ARHGAP26: variants seen among roughly 807,000 people sequenced by gnomAD.
ARHGAP26 encodes the protein rho GTPase-activating protein 26.
Under a neutral mutation model 104.8 loss-of-function variants are expected in ARHGAP26, and 38 were observed. The observed-to-expected ratio is 0.36, with a 90% CI of 0.28 to 0.48. The LOEUF (loss-of-function observed/expected upper bound fraction) is 0.48, where lower values mean the gene tolerates loss of function less well. Among genes scored for constraint, ARHGAP26 ranks in the 20% least tolerant of loss-of-function variants. The pLI, the probability that ARHGAP26 is intolerant of heterozygous loss-of-function variation, is 0.99. For synonymous variants in ARHGAP26, 341 were observed against 340.0 expected, an observed-to-expected ratio of 1.00 and a Z score of -0.03; for missense variants, 704 against 947.9, an observed-to-expected ratio of 0.74 and a Z score of 3.38.
chr5:142,958,923 A>AAG (rs72277170), intron 11 of ARHGAP26, among the ~76,000 whole-genome samples: 2 of 48,668 alleles, frequency 4.1e-5, no homozygotes, highest in East Asian at 0.014. Context: ...AAAAAAAGAA[A>AAG]AAAAAAAAGA....
At chr5:143,032,594 A>G (rs74536582) in intron 12 of ARHGAP26, among the ~76,000 whole-genome samples, 1,674 of 152,262 alleles carry the variant, frequency 0.011, 24 homozygotes, top group African/African-American at 0.038. Flanking sequence ...TGGTGGTGAT[A>G]GTGTTCTAAA....
intron 1 of ARHGAP26, among the ~76,000 whole-genome samples, chr5:142,782,164 A>G (rs1421095013): frequency 1.3e-5 from 2 of 152,168 alleles, no homozygotes; most frequent in Non-Finnish European, 2.9e-5. Context: ...TGAACTGCAT[A>G]CAGGAGAGGA....
intron 11 of ARHGAP26, among the ~76,000 whole-genome samples, chr5:142,977,492 A>T (rs1773277618): frequency 6.6e-6 from 1 of 151,888 alleles, no homozygotes; most frequent in Non-Finnish European, 1.5e-5. Context: ...ATGGTTGTTG[A>T]CAGATTTTTG....
At chr5:143,099,931 T>C (rs1313825472) in intron 17 of ARHGAP26, among the ~76,000 whole-genome samples, 1 of 152,240 alleles carries the variant, frequency 6.6e-6, no homozygotes, top group Admixed American at 6.5e-5. Flanking sequence ...TTTTTAAATA[T>C]TGTTGAAATT....
intron 5 of ARHGAP26, among the ~76,000 whole-genome samples, chr5:142,887,308 T>C (rs776946099): frequency 1.3e-4 from 20 of 152,224 alleles, no homozygotes; most frequent in Non-Finnish European, 2.6e-4. Flanking sequence ...CTGCTGTGTA[T>C]TTACTCTGTG....
chr5:142,793,252 C>CTTTTTTTTTTTTTTT (rs56941301), intron 1 of ARHGAP26, among the ~76,000 whole-genome samples: 1 of 107,140 alleles, frequency 9.3e-6, no homozygotes. Context: ...TATCCCTTTG[C>CTTTTTTTTTTTTTTT]TTTTTTTTTT....
At chr5:142,855,623 C>G (rs1343205583) in intron 1 of ARHGAP26, among the ~76,000 whole-genome samples, 2 of 152,234 alleles carry the variant, frequency 1.3e-5, no homozygotes, top group African/African-American at 2.4e-5. Context: ...TTCCTTCCTT[C>G]TATCCATCCT....
chr5:143,199,333 A>G (rs761747866), intron 20 of ARHGAP26, among the ~76,000 whole-genome samples: 9 of 152,322 alleles, frequency 5.9e-5, no homozygotes, highest in Non-Finnish European at 1.3e-4. Flanking sequence ...CATAAGGAAT[A>G]TATGTCTTCA....
At chr5:142,961,032 C>A (rs1174348502) in intron 11 of ARHGAP26, among the ~76,000 whole-genome samples, 1 of 152,194 alleles carries the variant, frequency 6.6e-6, no homozygotes, top group Non-Finnish European at 1.5e-5. Context: ...TATCAAATCA[C>A]CTGCTTATCT....
At chr5:142,846,725 G>A (rs1274066867) in intron 1 of ARHGAP26, among the ~76,000 whole-genome samples, 2 of 152,196 alleles carry the variant, frequency 1.3e-5, no homozygotes, top group Non-Finnish European at 2.9e-5. Flanking sequence ...AGGATGTTGA[G>A]TAACCACTTG....
chr5:142,813,480 G>T (rs1356263554), intron 1 of ARHGAP26, among the ~76,000 whole-genome samples: 1 of 152,188 alleles, frequency 6.6e-6, no homozygotes, highest in African/African-American at 2.4e-5. Flanking sequence ...GACTTGGACA[G>T]TGTGTGTATT....
At chr5:143,010,039 T>C (rs979729751) in intron 11 of ARHGAP26, among the ~76,000 whole-genome samples, 4 of 152,200 alleles carry the variant, frequency 2.6e-5, no homozygotes, top group African/African-American at 9.7e-5. Context: ...AAGTGATCTT[T>C]CAGGACATTG....
chr5:143,115,336 A>C (rs1562453635), intron 17 of ARHGAP26, among the ~76,000 whole-genome samples: 1 of 116,998 alleles, frequency 8.5e-6, no homozygotes, highest in East Asian at 2.3e-4. Context: ...TTAATCTCAA[A>C]AACAACAACA....
intron 12 of ARHGAP26, among the ~76,000 whole-genome samples, chr5:143,026,489 G>C (rs1781080443): frequency 1.3e-5 from 2 of 152,144 alleles, no homozygotes; most frequent in Non-Finnish European, 2.9e-5. Context: ...AAGGGAGGGA[G>C]GGAAGCGTGT....
At position 143,013,984 on chromosome 5, in the gene ARHGAP26, C is replaced by G. The variant is rs1373610314; in HGVS notation, c.1108-96C>G. 9 of 1,249,802 alleles carry G rather than the reference C, an allele frequency of 7.2e-6. No homozygotes were observed. The Admixed American group carries it at 1.7e-4, about 23-fold the overall frequency. 77.4% of individuals were successfully genotyped at this position (1,249,802 alleles called of 1,614,324 possible). A position where few individuals can be genotyped will look rare whatever the true frequency, so the allele number is the denominator to read the frequency against. ...AGAAATTACCTTCCACTTCATGGTG[C>G]AAACTAGGGAAAGTGAGGAAGATAA... On this transcript the variant is annotated intron_variant, in intron 11 of 22. Coordinates refer to ENST00000645722, the MANE Select transcript of ARHGAP26 (RefSeq NM_001135608.3).
chr5:143,215,443 T>A (rs1050677965), intron 22 of ARHGAP26, among the ~76,000 whole-genome samples: 1 of 152,254 alleles, frequency 6.6e-6, no homozygotes, highest in Non-Finnish European at 1.5e-5. Context: ...AGTGCAGCCT[T>A]CTTCCATTTT....
At chr5:143,087,319 A>G (rs1275083456) in intron 17 of ARHGAP26, among the ~76,000 whole-genome samples, 2 of 152,218 alleles carry the variant, frequency 1.3e-5, no homozygotes, top group Non-Finnish European at 2.9e-5. Context: ...CATTGGAATT[A>G]AAGGAATTTG....
Position 143,189,032 on chromosome 5 carries a change from G to A in ARHGAP26, c.1989-18166G>A, listed in dbSNP as rs549505025. Among the ~76,000 whole-genome samples the A allele has an allele frequency of 1.4e-4, 21 of 152,260 alleles. No homozygotes were observed. The South Asian group carries it at 4.4e-3, about 32-fold the overall frequency. On this transcript the variant is annotated intron_variant, in intron 20 of 22. Coordinates refer to ENST00000645722, the MANE Select transcript of ARHGAP26 (RefSeq NM_001135608.3). ...GACTTCATTGAAAAGGCAAGCATTTGTTTCCCTAAACAGAATGACTTTTTA... is the reference window on the plus strand; with the variant it reads ...GACTTCATTGAAAAGGCAAGCATTTATTTCCCTAAACAGAATGACTTTTTA...
At chr5:143,105,911 CT>C (rs924579060) in intron 17 of ARHGAP26, among the ~76,000 whole-genome samples, 5 of 151,228 alleles carry the variant, frequency 3.3e-5, no homozygotes, top group Non-Finnish European at 7.4e-5. Flanking sequence ...AGAGAAGAGA[CT>C]TTTTTTGGTG....
Sources: allele counts gnomAD v4.1 joint callset (sites outside exome capture counted in the v4.1 genomes callset), GRCh38; gene constraint gnomAD v4.1.1; transcripts MANE v1.5; gene names NCBI Gene and HGNC (gene_info 2026-07-23, HGNC 2026-07-21).